Variants in IL1RAPL2 observed in about 807,000 individuals in gnomAD.
The protein encoded by IL1RAPL2 is interleukin 1 receptor accessory protein like 2.
In IL1RAPL2, 3 loss-of-function variants were observed where a neutral mutation model predicts 44.1. That is an observed-to-expected ratio of 0.07 (90% CI 0.03 to 0.18). The LOEUF is 0.18. IL1RAPL2 is among the 10% of genes least tolerant of loss of function. IL1RAPL2 has a pLI of 1.00. For synonymous variants in IL1RAPL2, 181 were observed against 178.8 expected (o/e 1.01, Z -0.10); for missense variants, 391 against 496.4 (o/e 0.79, Z 2.02).
intron 2 of IL1RAPL2, among the ~76,000 whole-genome samples, chrX:105,145,761 A>G: frequency 9.0e-6 from 1 of 111,192 alleles, no homozygotes; most frequent in Non-Finnish European, 1.9e-5. Flanking sequence ...TACTAAAACT[A>G]TATAGTACCT....
chrX:105,652,589 G>A (rs923813253), intron 6 of IL1RAPL2, among the ~76,000 whole-genome samples: 8 of 111,344 alleles, frequency 7.2e-5, no homozygotes, highest in African/African-American at 2.3e-4. Context: ...CTTAGTATTT[G>A]CAAGGACACT....
At chrX:104,725,502 A>T (rs759458536) in intron 2 of IL1RAPL2, among the ~76,000 whole-genome samples, 1 of 112,079 alleles carries the variant, frequency 8.9e-6, no homozygotes, top group African/African-American at 3.2e-5. Context: ...TCCCACCAAC[A>T]GTGTAAAAGC....
intron 2 of IL1RAPL2, among the ~76,000 whole-genome samples, chrX:104,859,119 A>T (rs1922435057): frequency 9.0e-6 from 1 of 111,025 alleles, no homozygotes; most frequent in Non-Finnish European, 1.9e-5. Context: ...CTATATTGCT[A>T]ATATGTTTTT....
intron 2 of IL1RAPL2, among the ~76,000 whole-genome samples, chrX:105,026,317 T>C (rs1448937936): frequency 9.0e-6 from 1 of 110,786 alleles, no homozygotes; most frequent in Non-Finnish European, 1.9e-5. Context: ...GAATCCCTAA[T>C]CTGAAAACCT....
intron 5 of IL1RAPL2, among the ~76,000 whole-genome samples, chrX:105,350,437 C>T (rs1179465095): frequency 3.6e-5 from 4 of 112,493 alleles, no homozygotes; most frequent in Non-Finnish European, 7.5e-5. Context: ...TTAAAAGTAT[C>T]TTGAGGTTGG....
chrX:105,752,200 T>TCACA (rs199910972), intron 9 of IL1RAPL2, among the ~76,000 whole-genome samples: 2 of 108,935 alleles, frequency 1.8e-5, no homozygotes, highest in African/African-American at 3.3e-5. Context: ...AACACTGCAG[T>TCACA]CACACACACA....
At chrX:105,615,337 C>A (rs145559780) in intron 6 of IL1RAPL2, among the ~76,000 whole-genome samples, 441 of 111,536 alleles carry the variant, frequency 4.0e-3, no homozygotes, top group Non-Finnish European at 6.4e-3. Context: ...GTGTACAGAA[C>A]CAAGAGAAAT....
At chrX:105,095,604 G>A (rs2032595384) in intron 2 of IL1RAPL2, among the ~76,000 whole-genome samples, 1 of 111,492 alleles carries the variant, frequency 9.0e-6, no homozygotes, top group Non-Finnish European at 1.9e-5. Flanking sequence ...GAAATCAATA[G>A]TCTTTTCAAC....
At chrX:104,784,932 T>C (rs973991771) in intron 2 of IL1RAPL2, among the ~76,000 whole-genome samples, 6 of 110,845 alleles carry the variant, frequency 5.4e-5, no homozygotes, top group Non-Finnish European at 1.1e-4. Flanking sequence ...TGTTGACAAA[T>C]CAGCTTATTT....
rs771984100 is a variant in IL1RAPL2 at position 104,642,815 on chromosome X, A to G, written c.-19-16080A>G. Among the ~76,000 whole-genome samples, 555 of 111,722 alleles carry G rather than the reference A, an allele frequency of 5.0e-3. 5 individuals are homozygous for G. Among genetic ancestry groups the G allele is most frequent in the African/African-American group, 0.017 (524 of 30,752 alleles). On this transcript the variant is annotated intron_variant, in intron 1 of 10. Coordinates refer to ENST00000372582, the MANE Select transcript of IL1RAPL2 (RefSeq NM_017416.2). ...ATTTTCTTAAGATATACTGGGTAAA[A>G]AGGTTTGAATTTTGTTTTTGCCTGA... is the stretch of plus-strand genomic sequence containing the variant.
At chrX:104,973,512 A>C (rs1161371115) in intron 2 of IL1RAPL2, among the ~76,000 whole-genome samples, 2 of 112,035 alleles carry the variant, frequency 1.8e-5, no homozygotes, top group East Asian at 5.6e-4. Flanking sequence ...AGGAGCCGAC[A>C]AAAAAGCTAA....
chrX:105,333,405 A>G (rs2035002655), intron 5 of IL1RAPL2, among the ~76,000 whole-genome samples: 1 of 111,939 alleles, frequency 8.9e-6, no homozygotes, highest in African/African-American at 3.2e-5. Flanking sequence ...TCAAAATTGT[A>G]AACTACTACA....
At chrX:105,562,333 T>A (rs2036944162) in intron 6 of IL1RAPL2, among the ~76,000 whole-genome samples, 1 of 111,332 alleles carries the variant, frequency 9.0e-6, no homozygotes, top group Admixed American at 9.7e-5. Context: ...TACATTATTG[T>A]ATTATATATT....
At chrX:105,115,162 C>T (rs1295650947) in intron 2 of IL1RAPL2, among the ~76,000 whole-genome samples, 1 of 111,218 alleles carries the variant, frequency 9.0e-6, no homozygotes, top group Non-Finnish European at 1.9e-5. Context: ...TTTGGAGTTT[C>T]TTCCTTCTGG....
intron 6 of IL1RAPL2, among the ~76,000 whole-genome samples, chrX:105,646,561 T>C (rs972946304): frequency 2.7e-5 from 3 of 111,915 alleles, no homozygotes; most frequent in African/African-American, 9.8e-5. Flanking sequence ...CCTATTTTTT[T>C]ACCTAATCAA....
chrX:105,136,615 C>G (rs1443454419), intron 2 of IL1RAPL2, among the ~76,000 whole-genome samples: 1 of 112,394 alleles, frequency 8.9e-6, no homozygotes, highest in African/African-American at 3.2e-5. Context: ...TATTCAGATT[C>G]TTTGGAAGAA....
chrX:104,763,282 C>T (rs897265362), intron 2 of IL1RAPL2, among the ~76,000 whole-genome samples: 2 of 112,154 alleles, frequency 1.8e-5, no homozygotes, highest in Non-Finnish European at 3.8e-5. Context: ...GAGACCACCT[C>T]AGCCTGGACT....
intron 2 of IL1RAPL2, among the ~76,000 whole-genome samples, chrX:104,982,672 C>G (rs1400753642): frequency 2.7e-5 from 3 of 110,693 alleles, no homozygotes; most frequent in African/African-American, 9.8e-5. Context: ...TGTTGGTAAC[C>G]TAAACTCTCT....
At chrX:104,577,313 A>T (rs1928260327) in intron 1 of IL1RAPL2, among the ~76,000 whole-genome samples, 1 of 111,745 alleles carries the variant, frequency 8.9e-6, no homozygotes, top group Non-Finnish European at 1.9e-5. Context: ...ATATTTAGGT[A>T]AGAGTGAGAG....
Sources: allele counts gnomAD v4.1 joint callset (sites outside exome capture counted in the v4.1 genomes callset), GRCh38; gene constraint gnomAD v4.1.1; transcripts MANE v1.5; gene names NCBI Gene and HGNC (gene_info 2026-07-23, HGNC 2026-07-21).